ABCC4: variants seen among roughly 807,000 people sequenced by gnomAD.
ABCC4 encodes ATP binding cassette subfamily C member 4 (PEL blood group), also known as ATP-binding cassette sub-family C member 4.
In ABCC4, 102 loss-of-function variants were observed where a neutral mutation model predicts 168.5. That is an observed-to-expected ratio of 0.61 (90% CI 0.52 to 0.71). ABCC4 has a LOEUF of 0.71. ABCC4 is among the 30% of genes least tolerant of loss of function. The probability of loss-of-function intolerance (pLI) is 0.00; values close to 1 mark genes in which losing one functional copy is unlikely to be tolerated. For synonymous variants in ABCC4, 617 were observed against 590.7 expected, an observed-to-expected ratio of 1.04 and a Z score of -0.65; for missense variants, 1,402 against 1,605.8, an observed-to-expected ratio of 0.87 and a Z score of 2.17.
intron 21 of ABCC4, chr13:95,075,833 C>T (rs546630494): frequency 9.7e-6 from 3 of 310,062 alleles, no homozygotes; most frequent in South Asian, 6.8e-5. Flanking sequence ...CCTAACTCAG[C>T]CTTCCAGGTC....
At chr13:95,218,941 GA>G (rs1174528869) in intron 4 of ABCC4, among the ~76,000 whole-genome samples, 3 of 30,494 alleles carry the variant, frequency 9.8e-5, no homozygotes, top group African/African-American at 4.0e-4. Context: ...AAGAAAGAAA[GA>G]AAGAAAGAAA....
chr13:95,029,999 C>CCATCCAT (rs1254985742), intron 30 of ABCC4, among the ~76,000 whole-genome samples: 1 of 151,042 alleles, frequency 6.6e-6, no homozygotes, highest in Non-Finnish European at 1.5e-5. Context: ...ATCCATCCAT[C>CCATCCAT]CATCCATCCA....
intron 19 of ABCC4, among the ~76,000 whole-genome samples, chr13:95,127,997 A>T (rs2035842442): frequency 6.6e-6 from 1 of 152,206 alleles, no homozygotes; most frequent in Non-Finnish European, 1.5e-5. Context: ...TATTCTAAGA[A>T]AAAGGTAAAA....
chr13:95,074,077 A>T, intron 23 of ABCC4, 137 bp downstream of exon 23: 1 of 681,144 alleles, frequency 1.5e-6, no homozygotes, highest in Non-Finnish European at 2.4e-6. Flanking sequence ...CCAACCTGAC[A>T]CATCGTAAAT....
At chr13:95,158,712 T>C (rs1012659051) in intron 19 of ABCC4, among the ~76,000 whole-genome samples, 2 of 152,288 alleles carry the variant, frequency 1.3e-5, no homozygotes, top group African/African-American at 4.8e-5. Flanking sequence ...TTAACATGTA[T>C]GTTTAAGAGT....
chr13:95,161,254 A>G lies in ABCC4; in HGVS notation c.2390T>C (p.Leu797Ser), dbSNP rs767243389. The change falls in exon 19 of 31, where the codon TTG becomes TCG. Residue 797 changes from leucine (L) to serine (S), a missense_variant. Coordinates refer to ENST00000645237, the MANE Select transcript of ABCC4 (RefSeq NM_005845.5). The part of the protein sequence containing the change: ...FYVLVNSSQT[L>S]HNKMFESILK... ...AATTGACTCAAACATTTTGTTGTGC[A>G]AAGTTTGTGAAGAGTTAACAAGGAC... The G allele has an allele frequency of 3.0e-5, 49 of 1,611,448 alleles. No individual in the cohort carries two copies. Among genetic ancestry groups the G allele is most frequent in the Non-Finnish European group, 3.9e-5 (46 of 1,179,548 alleles).
At chr13:95,249,277 T>C (rs1236944437) in intron 1 of ABCC4, among the ~76,000 whole-genome samples, 1 of 151,970 alleles carries the variant, frequency 6.6e-6, no homozygotes, top group African/African-American at 2.4e-5. Flanking sequence ...TCTAATAACT[T>C]TGATAGATGC....
intron 26 of ABCC4, among the ~76,000 whole-genome samples, chr13:95,057,447 C>T (rs548373426): frequency 8.1e-4 from 124 of 152,218 alleles, no homozygotes; most frequent in African/African-American, 2.1e-3. Flanking sequence ...ACCATGTTGG[C>T]CATAATGGTC....
At chr13:95,224,563 C>T (rs1327447106) in intron 4 of ABCC4, among the ~76,000 whole-genome samples, 1 of 151,954 alleles carries the variant, frequency 6.6e-6, no homozygotes, top group African/African-American at 2.4e-5. Context: ...ATAGCAAAAC[C>T]CCATCTCTAC....
At chr13:95,256,221 C>A (rs1377538977) in intron 1 of ABCC4, among the ~76,000 whole-genome samples, 6 of 152,132 alleles carry the variant, frequency 3.9e-5, no homozygotes, top group Non-Finnish European at 8.8e-5. Context: ...GAGGTGCATG[C>A]CATCATGCCC....
chr13:95,151,490 A>G (rs139791123), intron 19 of ABCC4, among the ~76,000 whole-genome samples: 4,148 of 148,800 alleles, frequency 0.028, 185 homozygotes, highest in African/African-American at 0.092. Context: ...AAAAAAAAAA[A>G]AAGAAGAAGA....
intron 21 of ABCC4, among the ~76,000 whole-genome samples, chr13:95,079,561 G>A (rs1040005795): frequency 1.8e-4 from 28 of 152,184 alleles, no homozygotes; most frequent in Non-Finnish European, 3.5e-4. Flanking sequence ...AAAGCTGGGT[G>A]CGATGGCTCA....
At chr13:95,157,438 A>G (rs548069925) in intron 19 of ABCC4, among the ~76,000 whole-genome samples, 17 of 151,496 alleles carry the variant, frequency 1.1e-4, no homozygotes, top group African/African-American at 4.1e-4. Context: ...GGACATTTGC[A>G]GTGAGCTGAG....
chr13:95,247,812 T>A, intron 1 of ABCC4, 59 bp from the exon 2 acceptor site: 1 of 1,392,120 alleles, frequency 7.2e-7, no homozygotes, highest in Non-Finnish European at 1.0e-6. Context: ...TTAAGTAGAC[T>A]CCTACCTCCA....
At chr13:95,064,341 G>T (rs1211727500) in intron 25 of ABCC4, among the ~76,000 whole-genome samples, 1 of 147,170 alleles carries the variant, frequency 6.8e-6, no homozygotes, top group African/African-American at 2.5e-5. Context: ...ATTTCACAGG[G>T]ATATTAATTC....
intron 20 of ABCC4, among the ~76,000 whole-genome samples, chr13:95,108,722 A>G (rs1266833264): frequency 6.6e-6 from 1 of 151,498 alleles, no homozygotes; most frequent in Non-Finnish European, 1.5e-5. Flanking sequence ...GCTCACTACA[A>G]CCCAAGTTCA....
chr13:95,228,316 G>A (rs747439867), intron 4 of ABCC4, among the ~76,000 whole-genome samples: 3 of 152,102 alleles, frequency 2.0e-5, no homozygotes, highest in South Asian at 4.2e-4. Flanking sequence ...TTATTGCATA[G>A]GGCGGCAGAC....
chr13:95,165,663 CCTAA>C (rs1277715433), intron 15 of ABCC4, among the ~76,000 whole-genome samples: 1 of 152,144 alleles, frequency 6.6e-6, no homozygotes, highest in East Asian at 1.9e-4. Flanking sequence ...CTACTTCTGG[CCTAA>C]CTAACATAAA....
chr13:95,195,232 G>A (rs543667148), intron 8 of ABCC4, among the ~76,000 whole-genome samples: 1 of 152,308 alleles, frequency 6.6e-6, no homozygotes, highest in South Asian at 2.1e-4. Flanking sequence ...GAGACTGAGT[G>A]CATTGACAGC....
Sources: allele counts gnomAD v4.1 joint callset (sites outside exome capture counted in the v4.1 genomes callset), GRCh38; gene constraint gnomAD v4.1.1; transcripts MANE v1.5; gene names NCBI Gene and HGNC (gene_info 2026-07-23, HGNC 2026-07-21).